The following SLC5A10 variants were observed in gnomAD, a reference collection of about 807,000 sequenced individuals.
SLC5A10 encodes the protein solute carrier family 5 member 10, also known as sodium/mannose cotransporter SLC5A10.
SLC5A10 carries 55 observed loss-of-function variants against 68.9 expected under a neutral mutation model. The ratio of observed to expected loss-of-function variants is 0.80; its 90% CI spans 0.64 to 1.00. SLC5A10 has a LOEUF of 1.00. Ranked by LOEUF, SLC5A10 falls within the 50% of genes least tolerant of loss-of-function variation. SLC5A10 has a pLI of 0.00. For missense variants in SLC5A10, 732 were observed against 819.3 expected (o/e 0.89, Z 1.30); for synonymous variants, 344 against 344.8 (o/e 1.00, Z 0.02).
chr17:19,020,120 C>G (rs773569218), intron 13 of SLC5A10, 35 bp from the exon 14 acceptor site: 2 of 1,561,350 alleles, frequency 1.3e-6, no homozygotes, highest in Non-Finnish European at 8.8e-7. Flanking sequence ...CTGCCATCCC[C>G]CACCCCCAAC....
chr17:18,964,108 C>G (rs1360306684), intron 5 of SLC5A10, among the ~76,000 whole-genome samples: 1 of 152,184 alleles, frequency 6.6e-6, no homozygotes, highest in Non-Finnish European at 1.5e-5. Context: ...TCCATCTTCA[C>G]CCCCATCCCC....
chr17:18,984,013 A>G (rs954284476), intron 9 of SLC5A10, among the ~76,000 whole-genome samples: 3 of 152,174 alleles, frequency 2.0e-5, no homozygotes, highest in African/African-American at 7.2e-5. Flanking sequence ...AACAATGCCA[A>G]ATGTCCCTCA....
intron 1 of SLC5A10, chr17:18,953,624 A>G (rs1333395000): frequency 7.6e-6 from 1 of 131,178 alleles, no homozygotes; most frequent in African/African-American, 3.0e-5. Flanking sequence ...CATTGGTTCT[A>G]CAGTGGTAGC....
intron 8 of SLC5A10, among the ~76,000 whole-genome samples, chr17:18,975,382 G>C (rs1349111603): frequency 2.0e-5 from 3 of 152,186 alleles, no homozygotes; most frequent in Non-Finnish European, 4.4e-5. Context: ...TAGCAAGCTT[G>C]GAAAGTAAGT....
chr17:18,988,392 A>G (rs1567797918), intron 9 of SLC5A10: 8 of 1,614,186 alleles, frequency 5.0e-6, no homozygotes, highest in Admixed American at 1.7e-5. Context: ...GTCGGTGAAC[A>G]TGTCCATGAC....
intron 5 of SLC5A10, 49 bp downstream of exon 5, chr17:18,960,701 T>G: frequency 6.5e-7 from 1 of 1,550,174 alleles, no homozygotes; most frequent in Non-Finnish European, 8.9e-7. Flanking sequence ...ACATCGCCAA[T>G]CTGTGGGCCC....
chr17:19,003,915 G>A lies in SLC5A10; in HGVS notation c.983-9495G>A. 1 of 1,612,960 alleles carries A rather than the reference G, an allele frequency of 6.2e-7. No individual in the cohort carries two copies. Among genetic ancestry groups the A allele is most frequent in the Non-Finnish European group, 8.5e-7 (1 of 1,179,930 alleles). ...TTGAGCACCTCGTAGAAGGCGTCCC[G>A]GCCGCGGGCCACCAGGGCCTCCAGC... On this transcript the variant is annotated intron_variant, in intron 9 of 14. Coordinates refer to ENST00000395645, the MANE Select transcript of SLC5A10 (RefSeq NM_001042450.4). The surrounding 1 kb of genome is among the most constrained non-coding windows in gnomAD (Gnocchi z 4.5).
chr17:19,014,943 A>G (rs1446180428), intron 10 of SLC5A10, 106 bp from the exon 11 acceptor site: 2 of 1,343,058 alleles, frequency 1.5e-6, no homozygotes, highest in East Asian at 2.3e-5. Context: ...GCCTTGGAGG[A>G]GCATGCAAAT....
In SLC5A10 at chr17:19,004,208, G is replaced by A. The variant is rs1361558609; in HGVS notation, c.983-9202G>A. ...CTGATGAGCCCGGCTCGGCGGGGAG[G>A]GCGGGCCGCGCGGGGAGGGGCGGCG... On this transcript the variant is annotated intron_variant, in intron 9 of 14. Coordinates refer to ENST00000395645, the MANE Select transcript of SLC5A10 (RefSeq NM_001042450.4). This position sits in a 1 kb window ranked among gnomAD's most constrained non-coding sequence, Gnocchi z 5.4. 1 of 616,682 alleles carries A rather than the reference G, an allele frequency of 1.6e-6. No individual in the cohort carries two copies. The highest frequency in any genetic ancestry group is 2.6e-6 in the Non-Finnish European group (1 of 377,582). 38.2% of individuals were successfully genotyped at this position (616,682 alleles called of 1,614,324 possible). A position where few individuals can be genotyped will look rare whatever the true frequency, so the allele number is the denominator to read the frequency against.
intron 4 of SLC5A10, 86 bp from the exon 5 acceptor site, chr17:18,960,462 A>T: frequency 9.3e-7 from 1 of 1,073,350 alleles, no homozygotes; most frequent in Non-Finnish European, 1.3e-6. Flanking sequence ...TGGCGGGGGG[A>T]GAGGCAGAGT....
chr17:18,980,841 C>T lies in SLC5A10; in HGVS notation c.982+3852C>T, dbSNP rs188950629. On this transcript the variant is annotated intron_variant, in intron 9 of 14. Transcript: ENST00000395645. Reference sequence around the variant, plus strand: ...GGGTCTGACTCAGGAGGCCTGAGGTCAGGCAGGGAATCTCAGTTTTAACAC... The same window carrying T: ...GGGTCTGACTCAGGAGGCCTGAGGTTAGGCAGGGAATCTCAGTTTTAACAC... Among the ~76,000 whole-genome samples, 5 of 152,242 alleles carry T rather than the reference C, an allele frequency of 3.3e-5. No homozygotes were observed. The East Asian group carries it at 9.7e-4, about 29-fold the overall frequency.
rs146473042 is a variant in SLC5A10 at position 19,006,499 on chromosome 17, G to A, written c.983-6911G>A. Among the ~76,000 whole-genome samples, 292 of 147,866 alleles carry A rather than the reference G, an allele frequency of 2.0e-3. 2 individuals are homozygous for A. Among genetic ancestry groups the A allele is most frequent in the African/African-American group, 6.8e-3 (271 of 39,898 alleles). ...AGTGATTCTCCCACCTTGGCCTCCC[G>A]AAGTTCTGGGATTATAGGCGTGAGC... On this transcript the variant is annotated intron_variant, in intron 9 of 14. Transcript: ENST00000395645.
chr17:18,973,420 C>G (rs1453730087), intron 8 of SLC5A10, among the ~76,000 whole-genome samples: 1 of 152,262 alleles, frequency 6.6e-6, no homozygotes, highest in Non-Finnish European at 1.5e-5. Context: ...GTTCAGGACA[C>G]CAACCAGCAT....
In SLC5A10 at chr17:18,969,163, G is replaced by A. The variant is rs377336455; in HGVS notation, c.559+6G>A. 48 of 1,613,026 alleles carry A rather than the reference G, an allele frequency of 3.0e-5. No homozygotes were observed. The East Asian group carries it at 9.8e-4, about 33-fold the overall frequency. On this transcript the variant is annotated splice_donor_region_variant and intron_variant, in intron 6 of 14. Transcript: ENST00000395645. ...AGCCCTGTACACCATCGCAGGTATG[G>A]TGCCTGCAGCAGGGAGGTCCACCCA...
chr17:18,954,801 A>G (rs1276525612), intron 1 of SLC5A10, among the ~76,000 whole-genome samples: 1 of 152,202 alleles, frequency 6.6e-6, no homozygotes. Flanking sequence ...GGCCGGGCGC[A>G]GTGGCTCATG....
intron 9 of SLC5A10, chr17:18,977,660 G>A (rs758976292): frequency 6.2e-7 from 1 of 1,610,114 alleles, no homozygotes; most frequent in Non-Finnish European, 8.5e-7. Flanking sequence ...CCGACTCTGG[G>A]CCCATGGGGA....
At chr17:18,972,745 C>T (rs1344874258) in intron 8 of SLC5A10, among the ~76,000 whole-genome samples, 1 of 152,052 alleles carries the variant, frequency 6.6e-6, no homozygotes, top group Non-Finnish European at 1.5e-5. Flanking sequence ...GCCTGTAGTC[C>T]CAGCTACTCG....
intron 5 of SLC5A10, among the ~76,000 whole-genome samples, chr17:18,963,762 G>T (rs867788005): frequency 6.6e-6 from 1 of 152,248 alleles, no homozygotes; most frequent in South Asian, 2.1e-4. Context: ...GCAGGGCCTG[G>T]AGAATCACCA....
chr17:19,003,782 G>C lies in SLC5A10; in HGVS notation c.983-9628G>C, dbSNP rs1235991381. On this transcript the variant is annotated intron_variant, in intron 9 of 14. Coordinates refer to ENST00000395645, the MANE Select transcript of SLC5A10 (RefSeq NM_001042450.4). The surrounding 1 kb of genome is among the most constrained non-coding windows in gnomAD (Gnocchi z 4.5). The stretch of plus-strand genomic sequence containing the variant: ...GACCCCATTGTCCTCGGGCCCCTGA[G>C]AGGGGCCCGTGCCCCGAGGGTCCTC... 1 of 1,611,520 alleles carries C rather than the reference G, an allele frequency of 6.2e-7. No individual in the cohort carries two copies. Among genetic ancestry groups the C allele is most frequent in the Non-Finnish European group, 8.5e-7 (1 of 1,179,326 alleles).
Sources: gnomAD v4.1 joint callset for allele counts (sites outside exome capture counted in the v4.1 genomes callset) on GRCh38, gnomAD v4.1.1 for gene constraint, Gnocchi (gnomAD v3.1) non-coding constraint, MANE v1.5 for transcripts, NCBI Gene and HGNC (gene_info 2026-07-23, HGNC 2026-07-21) for gene names.